The following NAT2 variants were observed in gnomAD, a reference collection of about 807,000 sequenced individuals.
NAT2 encodes the protein arylamine N-acetyltransferase 2.
For missense variants in NAT2, 428 were observed against 339.1 expected (o/e 1.26, Z -2.06); for synonymous variants, 137 against 125.9 (o/e 1.09, Z -0.59).
At chr8:18,388,826 T>C (rs948361528), upstream of NAT2, among the ~76,000 whole-genome samples, 6 of 152,222 alleles carry the variant, frequency 3.9e-5, no homozygotes, top group African/African-American at 1.2e-4. Context: ...TATCTCTTAC[T>C]TGTATGGTGA....
rs4986996 is a variant in NAT2, at chr8:18,400,367, G to A, written c.364G>A (p.Asp122Asn). 42 of 1,612,470 alleles carry A rather than the reference G, an allele frequency of 2.6e-5. No individual in the cohort carries two copies. In the Admixed American group the frequency reaches 5.2e-4, roughly 20 times the overall value. The change falls in exon 2 of 2, where the codon GAT (aspartate) becomes AAT (asparagine). Residue 122 changes from aspartate (D) to asparagine (N), a missense_variant. Physicochemically the swap from Asp to Asn is conservative, Grantham distance 23 (BLOSUM62 1). Transcript: ENST00000286479. The part of the protein sequence containing the change: ...VTIDGRNYIV[D>N]AGSGSSSQMW... ...CATTGACGGCAGGAATTACATTGTC[G>A]ATGCTGGGTCTGGAAGCTCCTCCCA...
intron 1 of NAT2, among the ~76,000 whole-genome samples, chr8:18,395,725 G>C (rs756540135): frequency 9.9e-5 from 15 of 152,206 alleles, no homozygotes; most frequent in Non-Finnish European, 1.3e-4. Flanking sequence ...GGAGAGATTT[G>C]GGTTACGGGT....
upstream of NAT2, among the ~76,000 whole-genome samples, chr8:18,388,123 G>T (rs1289070791): frequency 6.6e-6 from 1 of 152,292 alleles, no homozygotes; most frequent in East Asian, 1.9e-4. Flanking sequence ...CATCCTGGAG[G>T]TAAAACACAA....
intron 1 of NAT2, among the ~76,000 whole-genome samples, chr8:18,393,899 T>C (rs918148196): frequency 3.3e-5 from 5 of 152,200 alleles, no homozygotes; most frequent in Non-Finnish European, 5.9e-5. Flanking sequence ...TTTTGAAACA[T>C]AGTATTTCTG....
rs1800771141 is a variant in NAT2, at chr8:18,400,466, G to A, written c.463G>A (p.Glu155Lys). 1 of 1,613,790 alleles carries A rather than the reference G, an allele frequency of 6.2e-7. No individual in the cohort carries two copies. Among genetic ancestry groups the A allele is most frequent in the East Asian group, 2.2e-5 (1 of 44,862 alleles). ...QVPCIFCLTE[E>K]RGIWYLDQIR... is the part of the protein sequence containing the mutation. Reference sequence around the variant, plus strand: ...GCCTTGCATTTTCTGCTTGACAGAAGAGAGAGGAATCTGGTACCTGGACCA... The same window carrying A: ...GCCTTGCATTTTCTGCTTGACAGAAAAGAGAGGAATCTGGTACCTGGACCA... The change falls in exon 2 of 2, where the codon GAG becomes AAG. Residue 155 changes from glutamate (E) to lysine (K), a missense_variant. Coordinates refer to ENST00000286479, the MANE Select transcript of NAT2 (RefSeq NM_000015.3).
chr8:18,394,424 G>C (rs1030569716), intron 1 of NAT2, among the ~76,000 whole-genome samples: 4 of 152,152 alleles, frequency 2.6e-5, no homozygotes, highest in African/African-American at 9.7e-5. Flanking sequence ...ATAAAGGGCA[G>C]CAAGAATAAT....
At chr8:18,393,006 T>C (rs780670509) in intron 1 of NAT2, among the ~76,000 whole-genome samples, 1 of 152,074 alleles carries the variant, frequency 6.6e-6, no homozygotes, top group African/African-American at 2.4e-5. Context: ...GGAGAGGGTA[T>C]GGCTGCATTA....
At chr8:18,386,331 G>T (rs1462929622), upstream of NAT2, among the ~76,000 whole-genome samples, 1 of 152,188 alleles carries the variant, frequency 6.6e-6, no homozygotes, top group Non-Finnish European at 1.5e-5. Flanking sequence ...CCCACAACTG[G>T]AGCCAGCAAC....
chr8:18,389,667 T>A (rs555140280), upstream of NAT2, among the ~76,000 whole-genome samples: 468 of 152,294 alleles, frequency 3.1e-3, 3 homozygotes, highest in Non-Finnish European at 4.4e-3. Context: ...AAAAAGTACA[T>A]CTATGATCTG....
Position 18,400,978 on chromosome 8 carries a change from A to G in NAT2, c.*102A>G, listed in dbSNP as rs1249862606. 2.5e-6 allele frequency: 2 copies of G among 785,182 alleles called. No individual in the cohort carries two copies. Among genetic ancestry groups the G allele is most frequent in the Non-Finnish European group, 3.7e-6 (2 of 534,482 alleles). The allele number at this position is 785,182 out of a possible 1,614,324, so 48.6% of individuals were successfully genotyped here. ...TCTCTACCCTCACGTTATTTTGAAGAAAATCCTAAACATCAAATACTTTCA... is the reference window on the plus strand; with the variant it reads ...TCTCTACCCTCACGTTATTTTGAAGGAAATCCTAAACATCAAATACTTTCA... On this transcript the variant is annotated 3_prime_UTR_variant, in exon 2 of 2. Coordinates refer to ENST00000286479, the MANE Select transcript of NAT2 (RefSeq NM_000015.3).
intron 1 of NAT2, among the ~76,000 whole-genome samples, chr8:18,398,136 A>T (rs1236862831): frequency 1.3e-5 from 2 of 152,168 alleles, no homozygotes; most frequent in Non-Finnish European, 2.9e-5. Context: ...ACACAGGGGA[A>T]ATTGTCCTTT....
chr8:18,390,741 A>C (rs1011225010), upstream of NAT2, among the ~76,000 whole-genome samples: 1 of 152,162 alleles, frequency 6.6e-6, no homozygotes, highest in Admixed American at 6.5e-5. Context: ...GCAGAAACAA[A>C]GCCATATGAT....
At chr8:18,387,838 A>G (rs1025848386), upstream of NAT2, 2 of 152,324 alleles carry the variant, frequency 1.3e-5, no homozygotes, top group Admixed American at 6.5e-5. Context: ...TGAGGTCGCT[A>G]TCTTCTAGTG....
rs28653560 is a variant in NAT2 at position 18,398,829 on chromosome 8, T to C, written c.-6-1169T>C. The stretch of plus-strand genomic sequence containing the variant: ...ATCTACTTAGGTCACATGCCACCCA[T>C]CAGCCAAGCTTTGGTCCTAGAGCTG... On this transcript the variant is annotated intron_variant, in intron 1 of 1. Transcript: ENST00000286479. Among the ~76,000 whole-genome samples, 384 of 152,304 alleles carry C rather than the reference T, an allele frequency of 2.5e-3. 1 individual carries two copies. Among genetic ancestry groups the C allele is most frequent in the African/African-American group, 8.9e-3 (368 of 41,570 alleles).
chr8:18,399,044 T>C (rs894452345), intron 1 of NAT2, among the ~76,000 whole-genome samples: 1 of 152,184 alleles, frequency 6.6e-6, no homozygotes, highest in Non-Finnish European at 1.5e-5. Flanking sequence ...AATATAAGCA[T>C]TGGCTCCAAG....
upstream of NAT2, chr8:18,387,748 C>G (rs1800529125): frequency 6.5e-6 from 1 of 153,320 alleles, no homozygotes; most frequent in South Asian, 2.1e-4. Context: ...TTGTCCTGGC[C>G]CCGGGCCTCC....
At chr8:18,395,368 T>C (rs1800665475) in intron 1 of NAT2, among the ~76,000 whole-genome samples, 1 of 151,992 alleles carries the variant, frequency 6.6e-6, no homozygotes, top group African/African-American at 2.4e-5. Context: ...CTGTGGCATA[T>C]AACAATTTAA....
At chr8:18,396,938 T>C (rs767582244) in intron 1 of NAT2, among the ~76,000 whole-genome samples, 1 of 152,110 alleles carries the variant, frequency 6.6e-6, no homozygotes, top group African/African-American at 2.4e-5. Context: ...CAAATATAAG[T>C]GGGATGGATA....
chr8:18,389,633 A>C (rs1800562041), upstream of NAT2, among the ~76,000 whole-genome samples: 4 of 152,232 alleles, frequency 2.6e-5, no homozygotes, highest in South Asian at 8.3e-4. Flanking sequence ...ATACAAGAGG[A>C]CAGAAATCTG....
Sources: allele counts gnomAD v4.1 joint callset (sites outside exome capture counted in the v4.1 genomes callset), GRCh38; gene constraint gnomAD v4.1.1; transcripts MANE v1.5; gene names NCBI Gene and HGNC (gene_info 2026-07-23, HGNC 2026-07-21).